The following SH3D19 variants were observed in gnomAD, a reference collection of about 807,000 sequenced individuals.
SH3D19 encodes SH3 domain containing 19, also known as SH3 domain-containing protein 19.
In SH3D19, 58 loss-of-function variants were observed where a neutral mutation model predicts 112.1. That is an observed-to-expected ratio of 0.52 (90% CI 0.42 to 0.64). The LOEUF is 0.64. Ranked by LOEUF, SH3D19 falls within the 30% of genes least tolerant of loss-of-function variation. The pLI is 0.00. For synonymous variants in SH3D19, 391 were observed against 448.5 expected, an observed-to-expected ratio of 0.87 and a Z score of 1.62; for missense variants, 1,090 against 1,263.4, an observed-to-expected ratio of 0.86 and a Z score of 2.08.
intron 2 of SH3D19, among the ~76,000 whole-genome samples, chr4:151,225,565 GA>G (rs1246388320): frequency 6.6e-6 from 1 of 152,162 alleles, no homozygotes; most frequent in East Asian, 1.9e-4. Flanking sequence ...AGTCTAGAAA[GA>G]AATGTACCAA....
intron 1 of SH3D19, among the ~76,000 whole-genome samples, chr4:151,295,069 G>C (rs1306519217): frequency 6.6e-6 from 1 of 152,242 alleles, no homozygotes; most frequent in African/African-American, 2.4e-5. Flanking sequence ...AGGTGGAAAG[G>C]TGTATGAACT....
chr4:151,290,644 T>A (rs890038261), intron 1 of SH3D19, among the ~76,000 whole-genome samples: 12 of 152,116 alleles, frequency 7.9e-5, no homozygotes, highest in African/African-American at 2.9e-4. Flanking sequence ...GTAAATATAC[T>A]AAAAACCACT....
intron 1 of SH3D19, among the ~76,000 whole-genome samples, chr4:151,279,570 G>A (rs371911880): frequency 6.6e-5 from 10 of 152,116 alleles, no homozygotes; most frequent in African/African-American, 2.4e-4. Context: ...TCTTCCTTAG[G>A]TTCTTGCTTA....
chr4:151,192,305 G>C (rs1369208706), intron 2 of SH3D19, among the ~76,000 whole-genome samples: 2 of 152,006 alleles, frequency 1.3e-5, no homozygotes, highest in Non-Finnish European at 2.9e-5. Flanking sequence ...TTACTTACTT[G>C]CTGGAATTGT....
At chr4:151,215,887 G>A (rs908712737) in intron 2 of SH3D19, among the ~76,000 whole-genome samples, 2 of 151,404 alleles carry the variant, frequency 1.3e-5, no homozygotes, top group African/African-American at 4.9e-5. Context: ...GTGCAGTGGC[G>A]TACTCTCGGC....
In SH3D19 at chr4:151,167,742, G is replaced by A. The variant is rs1758319876; in HGVS notation, c.1535-2046C>T. ...TCTGCCCGGCCGCCCCACCGTCTGG[G>A]AAGTGAGGAGCGCCTCTTACTGGCC... On this transcript the variant is annotated intron_variant, in intron 7 of 19. Coordinates refer to ENST00000604030, the MANE Select transcript of SH3D19 (RefSeq NM_001378122.1). Among the ~76,000 whole-genome samples the A allele has an allele frequency of 2.0e-5, 3 of 151,358 alleles. No individual in the cohort carries two copies. In the South Asian group the frequency reaches 6.3e-4, roughly 32 times the overall value.
intron 1 of SH3D19, among the ~76,000 whole-genome samples, chr4:151,296,590 G>A (rs2126307424): frequency 6.6e-6 from 1 of 152,260 alleles, no homozygotes; most frequent in Middle Eastern, 3.4e-3. Context: ...AAATGAGGAG[G>A]AAATAATAGG....
At chr4:151,295,185 T>A (rs1379129144) in intron 1 of SH3D19, among the ~76,000 whole-genome samples, 1 of 152,038 alleles carries the variant, frequency 6.6e-6, no homozygotes, top group Non-Finnish European at 1.5e-5. Context: ...ACTGGTGAAG[T>A]GAGAGCAAGG....
intron 14 of SH3D19, among the ~76,000 whole-genome samples, chr4:151,137,028 A>T (rs1752003202): frequency 6.6e-6 from 1 of 152,214 alleles, no homozygotes; most frequent in Admixed American, 6.5e-5. Context: ...TCAGGGACCG[A>T]GTCATCCTAT....
At chr4:151,256,061 T>C (rs1339502785) in intron 1 of SH3D19, among the ~76,000 whole-genome samples, 1 of 126,082 alleles carries the variant, frequency 7.9e-6, no homozygotes, top group Admixed American at 8.6e-5. Context: ...CCTTGAATTA[T>C]AATAAAGATT....
chr4:151,222,776 A>T (rs1768309732), intron 2 of SH3D19, among the ~76,000 whole-genome samples: 1 of 147,490 alleles, frequency 6.8e-6, no homozygotes, highest in African/African-American at 2.5e-5. Flanking sequence ...GGGTTCAAGT[A>T]ATTCTCCTGC....
chr4:151,188,155 G>T, intron 2 of SH3D19, among the ~76,000 whole-genome samples: 1 of 152,094 alleles, frequency 6.6e-6, no homozygotes, highest in East Asian at 1.9e-4. Flanking sequence ...ATAAATTTCT[G>T]TTCATTATAA....
chr4:151,282,840 T>C (rs1469202453), intron 1 of SH3D19, among the ~76,000 whole-genome samples: 1 of 152,176 alleles, frequency 6.6e-6, no homozygotes, highest in Non-Finnish European at 1.5e-5. Context: ...TCCTTTAGAA[T>C]AGTCATACCT....
chr4:151,192,663 G>A (rs1175879823), intron 2 of SH3D19, among the ~76,000 whole-genome samples: 1 of 152,136 alleles, frequency 6.6e-6, no homozygotes, highest in Non-Finnish European at 1.5e-5. Flanking sequence ...CTCCTATGAA[G>A]CCAAAGCAAT....
At chr4:151,266,965 A>C (rs1772834072) in intron 1 of SH3D19, among the ~76,000 whole-genome samples, 1 of 152,186 alleles carries the variant, frequency 6.6e-6, no homozygotes, top group Non-Finnish European at 1.5e-5. Flanking sequence ...TAATCTGCCT[A>C]AGACTAAACA....
intron 1 of SH3D19, among the ~76,000 whole-genome samples, chr4:151,323,064 G>A (rs968511202): frequency 3.9e-5 from 6 of 152,154 alleles, no homozygotes; most frequent in South Asian, 2.1e-4. Context: ...TTGAGCATGA[G>A]TTACAAGAGT....
intron 1 of SH3D19, among the ~76,000 whole-genome samples, chr4:151,245,202 T>C (rs1770852949): frequency 6.6e-6 from 1 of 152,058 alleles, no homozygotes; most frequent in Admixed American, 6.6e-5. Context: ...AGGAGCTTTA[T>C]CACTACTGAC....
chr4:151,209,398 C>A (rs1459468005), intron 2 of SH3D19, among the ~76,000 whole-genome samples: 3 of 151,972 alleles, frequency 2.0e-5, no homozygotes, highest in Non-Finnish European at 1.5e-5. Flanking sequence ...CCTGCTTCAG[C>A]CTCCTGAGTA....
At chr4:151,270,059 CT>C (rs748306051) in intron 1 of SH3D19, among the ~76,000 whole-genome samples, 259 of 144,446 alleles carry the variant, frequency 1.8e-3, no homozygotes, top group Middle Eastern at 0.018. Flanking sequence ...TTGCAGTTAA[CT>C]TTTTTTTTTT....
Sources: gnomAD v4.1 joint callset for allele counts (sites outside exome capture counted in the v4.1 genomes callset) on GRCh38, gnomAD v4.1.1 for gene constraint, MANE v1.5 for transcripts, NCBI Gene and HGNC (gene_info 2026-07-23, HGNC 2026-07-21) for gene names.